Variants in C4orf50 observed in about 807,000 individuals in gnomAD.
The protein encoded by C4orf50 is uncharacterized protein C4orf50.
Under a neutral mutation model 77.2 loss-of-function variants are expected in C4orf50, and 80 were observed. That is an observed-to-expected ratio of 1.04 (90% confidence interval 0.87 to 1.25). C4orf50 has a LOEUF of 1.25. Ranked by LOEUF, C4orf50 falls within the 50% of genes most tolerant of loss-of-function variation. The pLI is 0.00. For missense variants in C4orf50, 1,257 were observed against 1,152.9 expected (o/e 1.09, Z -1.31); for synonymous variants, 532 against 465.3 (o/e 1.14, Z -1.84).
At chr4:5,960,170 T>C (rs1175388797) in intron 33 of C4orf50, among the ~76,000 whole-genome samples, 1 of 152,222 alleles carries the variant, frequency 6.6e-6, no homozygotes, top group Non-Finnish European at 1.5e-5. Flanking sequence ...TTAAATGTAT[T>C]AGCTCTGAAG....
intron 7 of C4orf50, among the ~76,000 whole-genome samples, chr4:5,945,353 C>T (rs1718437317): frequency 6.6e-6 from 1 of 152,246 alleles, no homozygotes; most frequent in African/African-American, 2.4e-5. Context: ...AGAACCCAGG[C>T]CCTGGCTGAG....
Position 5,944,007 on chromosome 4 carries a change from A to G in C4orf50, c.*2474+12894T>C, listed in dbSNP as rs530943670. The stretch of plus-strand genomic sequence containing the variant: ...CATGTTACAGCTGGGCAGTCCCACA[A>G]CAGGCTCTTTGGGAGGCCTCTGGCA... On this transcript the variant is annotated intron_variant, in intron 7 of 7. Coordinates refer to the C4orf50 transcript ENST00000324058. Among the ~76,000 whole-genome samples the G allele has an allele frequency of 2.0e-5, 3 of 152,286 alleles. No individual in the cohort carries two copies. In the East Asian group the frequency reaches 5.8e-4, roughly 29 times the overall value.
chr4:5,999,477 G>A (rs1330708273), intron 25 of C4orf50, among the ~76,000 whole-genome samples: 1 of 152,134 alleles, frequency 6.6e-6, no homozygotes, highest in Non-Finnish European at 1.5e-5. Flanking sequence ...ACACATCTCT[G>A]GGACTAGACC....
intron 32 of C4orf50, 88 bp from the exon 11 acceptor site, chr4:5,965,233 A>G: frequency 7.4e-7 from 1 of 1,352,226 alleles, no homozygotes; most frequent in Non-Finnish European, 1.0e-6. Context: ...AACCTTCTTC[A>G]CTCTCTAGCC....
At chr4:5,975,223 G>A (rs1179577824) in intron 30 of C4orf50, among the ~76,000 whole-genome samples, 1 of 146,712 alleles carries the variant, frequency 6.8e-6, no homozygotes, top group Non-Finnish European at 1.5e-5. Flanking sequence ...AAAAGAGAGA[G>A]TGATAGAAAG....
chr4:6,003,804 GTGA>G (rs1721975231), intron 25 of C4orf50, among the ~76,000 whole-genome samples: 1 of 103,164 alleles, frequency 9.7e-6, no homozygotes, highest in African/African-American at 3.8e-5. Flanking sequence ...GATGGTGATG[GTGA>G]TGATGGTGAT....
intron 25 of C4orf50, among the ~76,000 whole-genome samples, chr4:6,006,946 G>A (rs1560601139): frequency 6.6e-6 from 1 of 152,238 alleles, no homozygotes; most frequent in Non-Finnish European, 1.5e-5. Flanking sequence ...CAGGTAAAGT[G>A]GGAGAAGAGA....
chr4:5,947,360 G>A (rs1718528992), intron 7 of C4orf50, among the ~76,000 whole-genome samples: 1 of 152,114 alleles, frequency 6.6e-6, no homozygotes, highest in Non-Finnish European at 1.5e-5. Context: ...AATGCCCTTG[G>A]CCCTGGAAGA....
intron 7 of C4orf50, among the ~76,000 whole-genome samples, chr4:5,946,943 A>G (rs1472923793): frequency 6.6e-6 from 1 of 152,190 alleles, no homozygotes; most frequent in Non-Finnish European, 1.5e-5. Context: ...ACATATAACA[A>G]CGTGGGAGGT....
chr4:5,995,553 A>G (rs1721538143), intron 25 of C4orf50, among the ~76,000 whole-genome samples: 1 of 151,458 alleles, frequency 6.6e-6, no homozygotes, highest in Non-Finnish European at 1.5e-5. Flanking sequence ...GGGGCTGGGC[A>G]CAGGTCTCCT....
At chr4:5,936,887 A>G (rs891657169) in intron 7 of C4orf50, among the ~76,000 whole-genome samples, 3 of 152,152 alleles carry the variant, frequency 2.0e-5, no homozygotes, top group African/African-American at 2.4e-5. Flanking sequence ...GAAATTGATT[A>G]CCTAAAAGTA....
At chr4:5,934,466 C>T (rs111972160) in intron 7 of C4orf50, among the ~76,000 whole-genome samples, 2 of 152,150 alleles carry the variant, frequency 1.3e-5, no homozygotes, top group African/African-American at 4.8e-5. Flanking sequence ...GCTCCAGGCT[C>T]GCTGGTCTGG....
intron 28 of C4orf50, among the ~76,000 whole-genome samples, chr4:5,982,573 G>A (rs546199314): frequency 9.1e-4 from 138 of 152,308 alleles, no homozygotes; most frequent in African/African-American, 3.2e-3. Flanking sequence ...CATCCAGTTG[G>A]GGGGTGGCAA....
chr4:5,941,994 A>G (rs925803369), intron 7 of C4orf50, among the ~76,000 whole-genome samples: 1 of 152,228 alleles, frequency 6.6e-6, no homozygotes, highest in African/African-American at 2.4e-5. Flanking sequence ...ATTTTTTAAA[A>G]GTGGCTTTCA....
rs571015802 is a variant in C4orf50 at position 5,937,262 on chromosome 4, A to T, written c.*2474+19639T>A. ...AAGTATAAAAATAGAGTGAAAATAT[A>T]TTCCTGGGAAACATAAAAGATGCAA... On this transcript the variant is annotated intron_variant, in intron 7 of 7. Coordinates refer to the C4orf50 transcript ENST00000324058. Among the ~76,000 whole-genome samples, 3 of 152,314 alleles carry T rather than the reference A, an allele frequency of 2.0e-5. No individual in the cohort carries two copies. In the South Asian group the frequency reaches 6.2e-4, roughly 32 times the overall value.
At chr4:5,949,404 C>T (rs1324286078) in intron 7 of C4orf50, among the ~76,000 whole-genome samples, 2 of 152,202 alleles carry the variant, frequency 1.3e-5, no homozygotes, top group Admixed American at 6.5e-5. Flanking sequence ...GGATGAACCT[C>T]AAAGACACTG....
intron 28 of C4orf50, among the ~76,000 whole-genome samples, chr4:5,987,071 C>A (rs12503233): frequency 0.56 from 85,730 of 151,816 alleles, 25,428 homozygotes; most frequent in East Asian, 0.92. Context: ...TCAACACAAG[C>A]AGCAAGAAAA....
intron 7 of C4orf50, chr4:5,904,647 G>C (rs1305498809): frequency 6.6e-6 from 1 of 152,162 alleles, no homozygotes; most frequent in Non-Finnish European, 1.5e-5. Flanking sequence ...CCTTTCTGCC[G>C]AGACTAGGGG....
At chr4:5,965,578 A>G (rs1719519067) in intron 32 of C4orf50, among the ~76,000 whole-genome samples, 2 of 152,262 alleles carry the variant, frequency 1.3e-5, no homozygotes, top group Non-Finnish European at 2.9e-5. Context: ...AAGCTGAGCA[A>G]GAGAGGGAAG....
Sources: allele counts gnomAD v4.1 joint callset (sites outside exome capture counted in the v4.1 genomes callset), GRCh38; gene constraint gnomAD v4.1.1; transcripts MANE v1.5; gene names NCBI Gene and HGNC (gene_info 2026-07-23, HGNC 2026-07-21).